Variants in STX8 observed in about 807,000 individuals in gnomAD.
STX8 encodes the protein syntaxin-8.
A neutral mutation model predicts 37.5 loss-of-function variants in STX8; 23 were observed. The ratio of observed to expected loss-of-function variants is 0.61; its 90% CI spans 0.44 to 0.87. STX8 has a LOEUF of 0.87. Ranked by LOEUF, STX8 falls within the 40% of genes least tolerant of loss-of-function variation. The pLI is 0.00. For synonymous variants in STX8, 115 were observed against 99.1 expected (o/e 1.16, Z -0.95); for missense variants, 313 against 284.7 (o/e 1.10, Z -0.71).
In STX8 at chr17:9,545,223, C is replaced by G. The variant is rs760081704; in HGVS notation, c.272G>C (p.Arg91Thr). 3.7e-6 allele frequency: 6 copies of G among 1,614,030 alleles called. No individual in the cohort carries two copies. Among genetic ancestry groups the G allele is most frequent in the Non-Finnish European group, 5.1e-6 (6 of 1,180,036 alleles). The change falls in exon 4 of 8, where the codon AGA becomes ACA. Residue 91 changes from arginine (R) to threonine (T), a missense_variant. Coordinates refer to ENST00000306357, the MANE Select transcript of STX8 (RefSeq NM_004853.3). ...NLLDDLVTRERLLLASFKNEG... is the reference protein window; with the variant it reads ...NLLDDLVTRETLLLASFKNEG... Reference sequence around the variant, plus strand: ...ATTCTTAAAGGATGCCAGAAGTAGTCTCTCTCGAGTTACAAGATCATCCAA... The same window carrying G: ...ATTCTTAAAGGATGCCAGAAGTAGTGTCTCTCGAGTTACAAGATCATCCAA...
chr17:9,455,686 A>G (rs759362705), intron 6 of STX8, among the ~76,000 whole-genome samples: 6 of 152,184 alleles, frequency 3.9e-5, no homozygotes, highest in Non-Finnish European at 7.3e-5. Context: ...GATTTTGACT[A>G]TGGTATCAGG....
chr17:9,514,056 G>A (rs184770834), intron 4 of STX8, among the ~76,000 whole-genome samples: 25 of 152,230 alleles, frequency 1.6e-4, no homozygotes, highest in African/African-American at 5.1e-4. Flanking sequence ...CAAGAGATTT[G>A]TTAAGGGACA....
chr17:9,293,581 G>T (rs1908398893), intron 7 of STX8, among the ~76,000 whole-genome samples: 1 of 152,004 alleles, frequency 6.6e-6, no homozygotes, highest in Non-Finnish European at 1.5e-5. Flanking sequence ...GATAGGAGGT[G>T]TAAGAAGGTC....
chr17:9,452,332 A>T (rs1318841117), intron 6 of STX8: 1 of 151,026 alleles, frequency 6.6e-6, no homozygotes, highest in Non-Finnish European at 1.5e-5. Context: ...TGAGAGAAAA[A>T]TCTCTTCTAT....
intron 7 of STX8, among the ~76,000 whole-genome samples, chr17:9,303,336 A>G (rs760775423): frequency 1.8e-4 from 27 of 152,282 alleles, no homozygotes; most frequent in African/African-American, 6.0e-4. Context: ...TCTCCCTCCA[A>G]CCTAGACTGC....
At chr17:9,446,251 C>A (rs1181859789) in intron 6 of STX8, among the ~76,000 whole-genome samples, 1 of 152,204 alleles carries the variant, frequency 6.6e-6, no homozygotes, top group African/African-American at 2.4e-5. Flanking sequence ...GAATGCCTGG[C>A]ACATAGTAGA....
At chr17:9,375,326 A>C (rs926526339) in intron 7 of STX8, among the ~76,000 whole-genome samples, 4 of 152,186 alleles carry the variant, frequency 2.6e-5, no homozygotes, top group African/African-American at 9.6e-5. Flanking sequence ...TTAAGAGTCC[A>C]GCTCAGAAGA....
intron 4 of STX8, among the ~76,000 whole-genome samples, chr17:9,531,394 T>C (rs1165562963): frequency 6.6e-6 from 1 of 152,194 alleles, no homozygotes; most frequent in Non-Finnish European, 1.5e-5. Context: ...GACTTTACAA[T>C]ATTGAGTCTC....
chr17:9,349,311 C>A (rs184297952), intron 7 of STX8, among the ~76,000 whole-genome samples: 3,760 of 128,346 alleles, frequency 0.029, 49 homozygotes, highest in Non-Finnish European at 0.044. Context: ...AATTTATTTT[C>A]TTTTCTTTTT....
At chr17:9,417,604 G>A (rs948546094) in intron 6 of STX8, among the ~76,000 whole-genome samples, 10 of 152,242 alleles carry the variant, frequency 6.6e-5, no homozygotes, top group African/African-American at 2.4e-4. Flanking sequence ...TTATGCTAAT[G>A]AGGTGACCCT....
intron 3 of STX8, among the ~76,000 whole-genome samples, chr17:9,550,646 G>A (rs1436200162): frequency 1.3e-5 from 2 of 152,184 alleles, no homozygotes; most frequent in Admixed American, 1.3e-4. Context: ...CTACCAGCAT[G>A]CATAAGTCCA....
At chr17:9,568,614 C>T (rs914254548) in intron 1 of STX8, 144 bp from the exon 2 acceptor site, 7 of 569,286 alleles carry the variant, frequency 1.2e-5, no homozygotes, top group African/African-American at 1.2e-4. Context: ...CATTCTCCTG[C>T]CTCAGCCTCC....
chr17:9,385,276 A>G (rs1168179190), intron 6 of STX8, among the ~76,000 whole-genome samples: 1 of 152,176 alleles, frequency 6.6e-6, no homozygotes, highest in African/African-American at 2.4e-5. Context: ...GTTTATATAT[A>G]GTAGCATATG....
chr17:9,332,018 C>G (rs143052817), intron 7 of STX8, among the ~76,000 whole-genome samples: 1 of 152,336 alleles, frequency 6.6e-6, no homozygotes, highest in African/African-American at 2.4e-5. Context: ...GATTCCGAGT[C>G]TGGGATCTTC....
chr17:9,505,105 C>T lies in STX8; in HGVS notation c.381G>A (p.Glu127=). ...CCAAGCCTCTGGTCTCCTCTGGCTC[C>T]TCAAAGAGCCAAGGGTTGGGTGCTC... The part of the protein sequence containing the change: ...KRGAPNPWLF[E]EPEETRGLGF... Residue 127 remains glutamate (E), a synonymous_variant, in exon 5 of 8, where the codon GAG becomes GAA. Transcript: ENST00000306357. 1 of 1,613,960 alleles carries T rather than the reference C, an allele frequency of 6.2e-7. No individual in the cohort carries two copies. The highest frequency in any genetic ancestry group is 8.5e-7 in the Non-Finnish European group (1 of 1,179,958).
chr17:9,350,561 G>A (rs903540102), intron 7 of STX8, among the ~76,000 whole-genome samples: 3 of 151,962 alleles, frequency 2.0e-5, no homozygotes, highest in Non-Finnish European at 4.4e-5. Flanking sequence ...TTTTGAGACG[G>A]AGTCTCTGTT....
intron 6 of STX8, among the ~76,000 whole-genome samples, chr17:9,491,304 C>CA (rs113007264): frequency 0.25 from 38,516 of 151,786 alleles, 6,618 homozygotes; most frequent in African/African-American, 0.48. Context: ...CCTCCTCAAG[C>CA]CAAGAGCCTT....
intron 7 of STX8, among the ~76,000 whole-genome samples, chr17:9,365,992 AAG>A (rs1192961756): frequency 6.6e-6 from 1 of 151,968 alleles, no homozygotes; most frequent in African/African-American, 2.4e-5. Context: ...CAAAAACAAA[AAG>A]AGAGAGAGAC....
Position 9,324,126 on chromosome 17 carries a change from TCACACACA to T in STX8, c.643+54418_643+54425del, listed in dbSNP as rs35942102. Among the ~76,000 whole-genome samples, 186 of 135,594 alleles carry T rather than the reference TCACACACA, an allele frequency of 1.4e-3. 1 individual carries two copies. The East Asian group carries it at 0.028, about 20-fold the overall frequency. 89.0% of individuals were successfully genotyped at this position (135,594 alleles called of 152,430 possible). A position where few individuals can be genotyped will look rare whatever the true frequency, so the allele number is the denominator to read the frequency against. On this transcript the variant is annotated intron_variant, in intron 7 of 7. Transcript: ENST00000306357. ...CTCTCTCTGTCTCTCTCTCTCTCTC[TCACACACA>T]CACACACACACACACACACACAAAC...
Sources: allele counts gnomAD v4.1 joint callset (sites outside exome capture counted in the v4.1 genomes callset), GRCh38; gene constraint gnomAD v4.1.1; transcripts MANE v1.5; gene names NCBI Gene and HGNC (gene_info 2026-07-23, HGNC 2026-07-21).